LARGE2: variants seen among roughly 807,000 people sequenced by gnomAD.
LARGE2 encodes the protein LARGE xylosyl- and glucuronyltransferase 2.
LARGE2 carries 63 observed loss-of-function variants against 75.3 expected under a neutral mutation model. That is an observed-to-expected ratio of 0.84 (90% CI 0.68 to 1.03). The LOEUF (loss-of-function observed/expected upper bound fraction) is 1.03. LARGE2 is among the 50% of genes least tolerant of loss of function. The pLI, the probability that LARGE2 is intolerant of heterozygous loss-of-function variation, is 0.00. For synonymous variants in LARGE2, 428 were observed against 420.1 expected, an observed-to-expected ratio of 1.02 and a Z score of -0.23; for missense variants, 925 against 980.6, an observed-to-expected ratio of 0.94 and a Z score of 0.76.
chr11:45,926,401 G>A (rs761289403), intron 8 of LARGE2, 41 bp from the exon 9 acceptor site: 13 of 1,613,642 alleles, frequency 8.1e-6, no homozygotes, highest in Non-Finnish European at 1.1e-5. Flanking sequence ...GGAGACTTCT[G>A]CTCCCTGCTC....
At chr11:45,926,902 T>A in intron 10 of LARGE2, 31 bp downstream of exon 10, 1 of 1,579,444 alleles carries the variant, frequency 6.3e-7, no homozygotes, top group Non-Finnish European at 8.6e-7. Flanking sequence ...CCAGGGGGTA[T>A]GGCATGGGCT....
rs575347152 is a variant in LARGE2, at chr11:45,924,541, C to T, written c.528C>T (p.Ser176=). The T allele has an allele frequency of 4.3e-5, 69 of 1,613,720 alleles. 1 individual carries two copies. Among genetic ancestry groups the T allele is most frequent in the South Asian group, 2.9e-4 (26 of 91,064 alleles). The change falls in exon 5 of 14, where the codon TCC becomes TCT. Residue 176 remains serine, a synonymous_variant. Coordinates refer to ENST00000401752, the MANE Select transcript of LARGE2 (RefSeq NM_001300721.2). ...QVSWIPNKHY[S]GLYGLMKLVL... ...CCTGGATCCCCAACAAGCACTACTC[C>T]GGCCTCTATGGGCTAATGAAGCTGG...
chr11:45,927,269 C>G, intron 10 of LARGE2, 46 bp from the exon 11 acceptor site: 1 of 1,570,682 alleles, frequency 6.4e-7, no homozygotes, highest in Non-Finnish European at 8.6e-7. Flanking sequence ...TCCCTGAGCT[C>G]CTGTGCAAGA....
At chr11:45,925,395 C>T (rs2087104229) in intron 6 of LARGE2, among the ~76,000 whole-genome samples, 1 of 152,176 alleles carries the variant, frequency 6.6e-6, no homozygotes. Flanking sequence ...GTGGCTCACA[C>T]CTGTAATCCC....
Position 45,924,444 on chromosome 11 carries a change from A to T in LARGE2, c.493-62A>T, listed in dbSNP as rs949613073. The T allele has an allele frequency of 5.0e-6, 8 of 1,585,404 alleles. No individual in the cohort carries two copies. In the African/African-American group the frequency reaches 9.4e-5, roughly 19 times the overall value. The stretch of plus-strand genomic sequence containing the variant: ...CCCTCTCCTCTGTGTCACTGCAAGC[A>T]TGTGTTCTGGTGCTCATAGGCCCCT... On this transcript the variant is annotated intron_variant, in intron 4 of 13. Transcript: ENST00000401752.
At chr11:45,924,403 C>G (rs1006705387) in intron 4 of LARGE2, 103 bp from the exon 5 acceptor site, 15 of 1,563,042 alleles carry the variant, frequency 9.6e-6, no homozygotes, top group Non-Finnish European at 1.2e-5. Context: ...AAACCCCTCT[C>G]TTTTGGGGGT....
chr11:45,927,678 C>A, intron 11 of LARGE2, 85 bp downstream of exon 11: 1 of 1,559,360 alleles, frequency 6.4e-7, no homozygotes. Context: ...CATGTCCCTG[C>A]TCCTTTCTGG....
chr11:45,924,082 C>G (rs2087042698), intron 3 of LARGE2, 72 bp from the exon 4 acceptor site: 2 of 1,553,740 alleles, frequency 1.3e-6, no homozygotes, highest in Non-Finnish European at 1.7e-6. Flanking sequence ...ATCTCTGCGC[C>G]CCTCGGGGTG....
intron 12 of LARGE2, 50 bp downstream of exon 12, chr11:45,928,119 C>T: frequency 1.9e-6 from 3 of 1,612,880 alleles, no homozygotes; most frequent in Non-Finnish European, 2.5e-6. Flanking sequence ...CCACACTGGC[C>T]CCCACTACCC....
chr11:45,923,156 C>G lies in LARGE2; in HGVS notation c.274C>G (p.Pro92Ala). 1 of 1,341,858 alleles carries G rather than the reference C, an allele frequency of 7.5e-7. No individual in the cohort carries two copies. 83.1% of individuals were successfully genotyped at this position (1,341,858 alleles called of 1,614,324 possible). A position where few individuals can be genotyped will look rare whatever the true frequency, so the allele number is the denominator to read the frequency against. ...CTGCGGCCCGCAGCCGCCGCCGCCG[C>G]CCAAGTGCGAGGTAGGTGCGCGCGG... ...SDCGPQPPPP[P>A]KCELLHVAIV... Residue 92 changes from proline to alanine, a missense_variant, in exon 2 of 14, where the codon CCC becomes GCC. Around this residue, in one of 3 missense-constraint regions of LARGE2, gnomAD observed 453 missense variants for 460.2 expected, o/e 0.98. Coordinates refer to ENST00000401752, the MANE Select transcript of LARGE2 (RefSeq NM_001300721.2).
At chr11:45,921,729 A>G (rs1261893556), upstream of LARGE2, 1 of 152,264 alleles carries the variant, frequency 6.6e-6, no homozygotes, top group Non-Finnish European at 1.5e-5. Flanking sequence ...CCGGAGGAGG[A>G]GCAAGAAAGC....
chr11:45,922,536 G>A (rs1441356841), upstream of LARGE2, among the ~76,000 whole-genome samples: 1 of 152,086 alleles, frequency 6.6e-6, no homozygotes, highest in South Asian at 2.1e-4. Flanking sequence ...GCGGGCTGGG[G>A]AACCGTCGGA....
Position 45,924,276 on chromosome 11 carries a change from A to G in LARGE2, c.491A>G (p.Lys164Arg), listed in dbSNP as rs1228557878. 5 of 1,612,998 alleles carry G rather than the reference A, an allele frequency of 3.1e-6. No homozygotes were observed. In the East Asian group the frequency reaches 1.1e-4, roughly 36 times the overall value. The change falls in exon 4 of 14, where the codon AAG (lysine) becomes AGG (arginine). Residue 164 changes from lysine to arginine, a missense_variant and splice_region_variant. By Grantham distance (26) the Lys-to-Arg change is conservative. Around this residue, in one of 3 missense-constraint regions of LARGE2, gnomAD observed 453 missense variants for 460.2 expected, o/e 0.98. Coordinates refer to ENST00000401752, the MANE Select transcript of LARGE2 (RefSeq NM_001300721.2). ...AGCTTTTATCATGCCGACCAGCTCA[A>G]GGCAGGGGCCCAGCCCTTCCCCCCT... ...RVSFYHADQL[K>R]PQVSWIPNKH...
Position 45,927,695 on chromosome 11 carries a change from G to A in LARGE2, c.1604+102G>A, listed in dbSNP as rs533140403. ...TGTCCCTGCTCCTTTCTGGGCCTCA[G>A]TGGCCTCTGTCAATTGGGGTTTGTA... On this transcript the variant is annotated intron_variant, in intron 11 of 13. Coordinates refer to ENST00000401752, the MANE Select transcript of LARGE2 (RefSeq NM_001300721.2). The A allele has an allele frequency of 9.2e-6, 14 of 1,527,190 alleles. No homozygotes were observed. In the East Asian group the frequency reaches 1.6e-4, roughly 17 times the overall value. The allele number at this position is 1,527,190 out of a possible 1,614,324, so 94.6% of individuals were successfully genotyped here.
chr11:45,926,692 TCACCCCTTGC>T lies in LARGE2; in HGVS notation c.1165-17_1165-8del, dbSNP rs577074097. ...TGTTCTGCCCTATCCCCGGTCCTTGTCACCCCTTGCCCCCTCAGTTGCAGCAGGCCCTGGC... is the reference window on the plus strand; with the variant it reads ...TGTTCTGCCCTATCCCCGGTCCTTGTCCCCTCAGTTGCAGCAGGCCCTGGC... On this transcript the variant is annotated splice_polypyrimidine_tract_variant and intron_variant, in intron 9 of 13. Coordinates refer to ENST00000401752, the MANE Select transcript of LARGE2 (RefSeq NM_001300721.2). The T allele has an allele frequency of 8.2e-4, 1,315 of 1,612,174 alleles. 5 individuals are homozygous for T. Among genetic ancestry groups the T allele is most frequent in the Non-Finnish European group, 6.4e-4 (754 of 1,178,876 alleles).
Position 45,926,479 on chromosome 11 carries a change from A to G in LARGE2, c.1046A>G (p.Lys349Arg). Reference sequence around the variant, plus strand: ...AACTCACCAAAGAAGCTTCGGGTGAAGAACAAGCATGTGGAATTCTTCCGC... The same window carrying G: ...AACTCACCAAAGAAGCTTCGGGTGAGGAACAAGCATGTGGAATTCTTCCGC... ...HWNSPKKLRVKNKHVEFFRNF... is the reference protein window; with the variant it reads ...HWNSPKKLRVRNKHVEFFRNF... Residue 349 changes from lysine to arginine, a missense_variant, in exon 9 of 14, where the codon AAG becomes AGG. Coordinates refer to ENST00000401752, the MANE Select transcript of LARGE2 (RefSeq NM_001300721.2). 1 of 1,614,112 alleles carries G rather than the reference A, an allele frequency of 6.2e-7. No homozygotes were observed. The highest frequency in any genetic ancestry group is 8.5e-7 in the Non-Finnish European group (1 of 1,180,022).
chr11:45,927,802 C>T (rs770665677), intron 11 of LARGE2, 118 bp from the exon 12 acceptor site: 33 of 1,513,862 alleles, frequency 2.2e-5, no homozygotes, highest in Middle Eastern at 1.7e-4. Context: ...GCCCACCCGT[C>T]GCATCAGGCA....
rs200481274 is a variant in LARGE2 at position 45,923,488 on chromosome 11, A to G, written c.301A>G (p.Ile101Val). 73 of 1,613,768 alleles carry G rather than the reference A, an allele frequency of 4.5e-5. 2 individuals carry two copies. In the African/African-American group the frequency reaches 7.1e-4, roughly 16 times the overall value. The change falls in exon 3 of 14, where the codon ATC becomes GTC. Residue 101 changes from isoleucine (I) to valine (V), a missense_variant. By Grantham distance (29) the Ile-to-Val change is conservative. Coordinates refer to ENST00000401752, the MANE Select transcript of LARGE2 (RefSeq NM_001300721.2). ...PPKCELLHVA[I>V]VCAGHNSSRD... ...CCCTCCCCAGCTCTTGCATGTGGCC[A>G]TCGTGTGTGCGGGGCATAACTCCAG...
chr11:45,927,294 C>T (rs898593728), intron 10 of LARGE2, 21 bp from the exon 11 acceptor site: 1 of 1,605,478 alleles, frequency 6.2e-7, no homozygotes, highest in Non-Finnish European at 8.5e-7. Context: ...CAGAGCTGTG[C>T]TGACCTCCCT....
Sources: allele counts gnomAD v4.1 joint callset (sites outside exome capture counted in the v4.1 genomes callset), GRCh38; gene constraint gnomAD v4.1.1; regional missense constraint gnomAD v4.1.1; transcripts MANE v1.5; gene names NCBI Gene and HGNC (gene_info 2026-07-23, HGNC 2026-07-21).